The following ROR2 variants were observed in gnomAD, a reference collection of about 807,000 sequenced individuals.
ROR2 encodes the protein ROR family WNT receptor 2, also known as tyrosine-protein kinase transmembrane receptor ROR2.
In ROR2, 33 loss-of-function variants were observed where a neutral mutation model predicts 74.9. That is an observed-to-expected ratio of 0.44 (90% CI 0.33 to 0.59). The LOEUF (loss-of-function observed/expected upper bound fraction) is 0.59, where lower values mean the gene tolerates loss of function less well. Ranked by LOEUF, ROR2 falls within the 20% of genes least tolerant of loss-of-function variation. The pLI is 0.02. For synonymous variants in ROR2, 586 were observed against 558.7 expected, an observed-to-expected ratio of 1.05 and a Z score of -0.69; for missense variants, 1,216 against 1,313.8, an observed-to-expected ratio of 0.93 and a Z score of 1.15.
At chr9:91,757,920 C>A (rs1381042096) in intron 2 of ROR2, among the ~76,000 whole-genome samples, 1 of 152,202 alleles carries the variant, frequency 6.6e-6, no homozygotes, top group Non-Finnish European at 1.5e-5. Context: ...AGCCTCATAA[C>A]TCATGCCTGA....
At chr9:91,878,323 C>A (rs1415553070) in intron 1 of ROR2, among the ~76,000 whole-genome samples, 1 of 152,176 alleles carries the variant, frequency 6.6e-6, no homozygotes, top group Non-Finnish European at 1.5e-5. Flanking sequence ...CATGGCCCTT[C>A]TTCTCCACCT....
intron 1 of ROR2, among the ~76,000 whole-genome samples, chr9:91,900,672 C>T (rs988899762): frequency 7.2e-5 from 11 of 152,332 alleles, no homozygotes; most frequent in Middle Eastern, 3.4e-3. Flanking sequence ...GGACTGGGGG[C>T]AGCTGGGCCG....
At chr9:91,948,984 C>T (rs1384315292) in intron 1 of ROR2, 8 of 939,246 alleles carry the variant, frequency 8.5e-6, no homozygotes, top group Non-Finnish European at 1.0e-5. Flanking sequence ...CGAACCTCCC[C>T]GCCGTTCCTC....
chr9:91,741,304 GTAATAA>G (rs149995684), intron 4 of ROR2, among the ~76,000 whole-genome samples: 11,581 of 135,480 alleles, frequency 0.085, 570 homozygotes, highest in Non-Finnish European at 0.094. Flanking sequence ...GTCTCAAGTA[GTAATAA>G]TAATAATAAT....
At chr9:91,725,822 G>C (rs757258340) in intron 8 of ROR2, among the ~76,000 whole-genome samples, 1 of 152,062 alleles carries the variant, frequency 6.6e-6, no homozygotes, top group African/African-American at 2.4e-5. Flanking sequence ...TGCAAGCCCC[G>C]GGGCTCTGTG....
chr9:91,815,540 A>G (rs774661768), intron 1 of ROR2, among the ~76,000 whole-genome samples: 8 of 152,266 alleles, frequency 5.3e-5, no homozygotes, highest in Non-Finnish European at 8.8e-5. Flanking sequence ...TGCCTTTGAC[A>G]GGCATATAGT....
At chr9:91,749,418 A>G (rs1825535942) in intron 4 of ROR2, among the ~76,000 whole-genome samples, 1 of 152,118 alleles carries the variant, frequency 6.6e-6, no homozygotes. Flanking sequence ...CTCTTGTATA[A>G]AGACACCAGT....
At chr9:91,819,719 CTT>C (rs1828078903) in intron 1 of ROR2, among the ~76,000 whole-genome samples, 1 of 149,314 alleles carries the variant, frequency 6.7e-6, no homozygotes. Context: ...CTGTGTGTGT[CTT>C]TTGAGTATGT....
At chr9:91,887,720 T>A (rs146260314) in intron 1 of ROR2, among the ~76,000 whole-genome samples, 3 of 151,886 alleles carry the variant, frequency 2.0e-5, no homozygotes, top group African/African-American at 7.3e-5. Context: ...CCCAATAATG[T>A]AGGTATAACG....
At chr9:91,941,190 G>T (rs1007871197) in intron 1 of ROR2, among the ~76,000 whole-genome samples, 39 of 151,086 alleles carry the variant, frequency 2.6e-4, no homozygotes, top group Non-Finnish European at 5.0e-4. Context: ...GTAGAGACGG[G>T]GTTTCACCGT....
intron 4 of ROR2, among the ~76,000 whole-genome samples, chr9:91,750,189 G>A (rs370435338): frequency 3.9e-5 from 6 of 152,270 alleles, no homozygotes; most frequent in Admixed American, 2.0e-4. Context: ...GGCATGAGCC[G>A]CTGCACCCGG....
At chr9:91,820,315 G>GCC (rs1184848471) in intron 1 of ROR2, among the ~76,000 whole-genome samples, 3 of 152,156 alleles carry the variant, frequency 2.0e-5, no homozygotes, top group Non-Finnish European at 4.4e-5. Context: ...ACGGCAGGAT[G>GCC]CCCTCTACAA....
intron 1 of ROR2, among the ~76,000 whole-genome samples, chr9:91,801,482 G>A (rs1286275693): frequency 2.6e-5 from 4 of 152,116 alleles, no homozygotes; most frequent in Admixed American, 1.3e-4. Flanking sequence ...ACAGGCGCCC[G>A]CCACCACACC....
At chr9:91,743,043 T>G (rs1825299895) in intron 4 of ROR2, among the ~76,000 whole-genome samples, 1 of 152,118 alleles carries the variant, frequency 6.6e-6, no homozygotes, top group Non-Finnish European at 1.5e-5. Flanking sequence ...GTAGGGGAAA[T>G]CATCTAGGTT....
At chr9:91,792,264 A>G (rs1465810651) in intron 1 of ROR2, among the ~76,000 whole-genome samples, 1 of 152,106 alleles carries the variant, frequency 6.6e-6, no homozygotes, top group Non-Finnish European at 1.5e-5. Context: ...AATAGAAATC[A>G]GCAAAACAAC....
At chr9:91,934,219 T>C in intron 1 of ROR2, among the ~76,000 whole-genome samples, 1 of 151,682 alleles carries the variant, frequency 6.6e-6, no homozygotes, top group East Asian at 1.9e-4. Flanking sequence ...TTAGTTTTGG[T>C]TTTTTCTTGT....
At chr9:91,735,954 C>T (rs1825009559) in intron 5 of ROR2, among the ~76,000 whole-genome samples, 1 of 152,110 alleles carries the variant, frequency 6.6e-6, no homozygotes, top group South Asian at 2.1e-4. Flanking sequence ...AAAGAAAAAT[C>T]CAAGTGCACC....
intron 1 of ROR2, among the ~76,000 whole-genome samples, chr9:91,816,481 C>T (rs1361711598): frequency 6.6e-6 from 1 of 152,120 alleles, no homozygotes; most frequent in Non-Finnish European, 1.5e-5. Flanking sequence ...TGTCTTGAGA[C>T]GTGGACACTT....
intron 1 of ROR2, among the ~76,000 whole-genome samples, chr9:91,819,307 G>C (rs182345447): frequency 3.7e-4 from 56 of 152,356 alleles, no homozygotes; most frequent in African/African-American, 1.3e-3. Flanking sequence ...GCTGCACAGA[G>C]AGGGTCCTGC....
Sources: allele counts gnomAD v4.1 joint callset (sites outside exome capture counted in the v4.1 genomes callset), GRCh38; gene constraint gnomAD v4.1.1; transcripts MANE v1.5; gene names NCBI Gene and HGNC (gene_info 2026-07-23, HGNC 2026-07-21).